TXNDC16: variants seen among roughly 807,000 people sequenced by gnomAD.
The protein encoded by TXNDC16 is thioredoxin domain-containing protein 16.
In TXNDC16, 74 loss-of-function variants were observed where a neutral mutation model predicts 85.6. That is an observed-to-expected ratio of 0.86 (90% CI 0.72 to 1.05). The LOEUF (loss-of-function observed/expected upper bound fraction) is 1.05, where lower values mean the gene tolerates loss of function less well. Among genes scored for constraint, TXNDC16 ranks in the 50% least tolerant of loss-of-function variants. The pLI is 0.00. For synonymous variants in TXNDC16, 335 were observed against 326.5 expected, an observed-to-expected ratio of 1.03 and a Z score of -0.28; for missense variants, 959 against 947.0, an observed-to-expected ratio of 1.01 and a Z score of -0.17.
chr14:52,510,084 G>C (rs1282796181), intron 9 of TXNDC16, among the ~76,000 whole-genome samples: 1 of 151,658 alleles, frequency 6.6e-6, no homozygotes. Context: ...TTTAAGAAGA[G>C]GGAATTATGG....
rs759294543 is a variant in TXNDC16 at position 52,488,440 on chromosome 14, A to G, written c.1031T>C (p.Ile344Thr). 7.4e-6 allele frequency: 12 copies of G among 1,611,814 alleles called. No individual in the cohort carries two copies. The highest frequency in any genetic ancestry group is 8.5e-6 in the Non-Finnish European group (10 of 1,178,036). ...FLVLHDVDLI[I>T]SHVENNMHIE... ...GTGCATATTATTTTCCACATGAGATATTATTAAATCAACATCATGTAATAC... is the reference window on the plus strand; with the variant it reads ...GTGCATATTATTTTCCACATGAGATGTTATTAAATCAACATCATGTAATAC... The change falls in exon 12 of 21, where the codon ATA becomes ACA. Residue 344 changes from isoleucine (I) to threonine (T), a missense_variant. By Grantham distance (89) the Ile-to-Thr change is moderately conservative. Transcript: ENST00000281741.
intron 6 of TXNDC16, among the ~76,000 whole-genome samples, chr14:52,535,732 A>C (rs145459006): frequency 2.0e-3 from 302 of 152,252 alleles, no homozygotes; most frequent in Non-Finnish European, 3.9e-3. Context: ...CAGAAAACTT[A>C]AACTTTCTCT....
intron 16 of TXNDC16, 74 bp from the exon 17 acceptor site, chr14:52,457,248 T>C: frequency 2.6e-6 from 2 of 764,980 alleles, no homozygotes; most frequent in South Asian, 4.0e-5. Flanking sequence ...TGAAGAGATT[T>C]ATAGGTGGTA....
rs764848557 is a variant in TXNDC16, at chr14:52,490,927, G to A, written c.835C>T (p.Gln279Ter). ...LGLPLVFIVS[Q>*]QATYEADRRT... ...CTATCAGCTTCATAAGTAGCCTGTT[G>A]GCTAACAATAAAAACCAGTGGTAAG... The change falls in exon 10 of 21, where the codon CAA (glutamine) becomes TAA (stop). Residue 279 changes from glutamine (Q) to a stop codon, truncating the protein, a stop_gained. Coordinates refer to ENST00000281741, the MANE Select transcript of TXNDC16 (RefSeq NM_020784.3). LOFTEE classifies it high-confidence loss of function. The A allele has an allele frequency of 2.5e-6, 4 of 1,612,614 alleles. No individual in the cohort carries two copies. In the South Asian group the frequency reaches 3.3e-5, roughly 13 times the overall value.
At chr14:52,546,351 G>T (rs2037942109) in intron 1 of TXNDC16, among the ~76,000 whole-genome samples, 1 of 152,174 alleles carries the variant, frequency 6.6e-6, no homozygotes. Flanking sequence ...CAAGTGATGA[G>T]TACCTTCAGA....
At chr14:52,465,923 T>A (rs955263697) in intron 16 of TXNDC16, among the ~76,000 whole-genome samples, 19 of 152,104 alleles carry the variant, frequency 1.2e-4, no homozygotes, top group African/African-American at 4.6e-4. Flanking sequence ...GATGAATTAA[T>A]AAGTAGAAAG....
At chr14:52,457,380 T>C (rs1209215721) in intron 16 of TXNDC16, among the ~76,000 whole-genome samples, 4 of 152,210 alleles carry the variant, frequency 2.6e-5, no homozygotes, top group Admixed American at 6.5e-5. Flanking sequence ...TGTCAATTGA[T>C]ATAATGCAAC....
chr14:52,529,592 TTA>T lies in TXNDC16; in HGVS notation c.392+7125_392+7126del, dbSNP rs1284161777. On this transcript the variant is annotated intron_variant, in intron 6 of 20. Transcript: ENST00000281741. The stretch of plus-strand genomic sequence containing the variant: ...TTATATATAATATATATAATGCCTA[TTA>T]TATATATTATATATAATGCCTATTA... Among the ~76,000 whole-genome samples, 9 of 100,460 alleles carry T rather than the reference TTA, an allele frequency of 9.0e-5. 1 individual carries two copies. The highest frequency in any genetic ancestry group is 4.3e-4 in the African/African-American group (9 of 20,982). 65.9% of individuals were successfully genotyped at this position (100,460 alleles called of 152,430 possible).
intron 9 of TXNDC16, among the ~76,000 whole-genome samples, chr14:52,510,227 A>G (rs1031040208): frequency 6.6e-6 from 1 of 152,214 alleles, no homozygotes; most frequent in African/African-American, 2.4e-5. Context: ...CTCATCTTTC[A>G]CAGGTAGGAA....
At chr14:52,440,255 C>A (rs1489212098) in intron 19 of TXNDC16, among the ~76,000 whole-genome samples, 1 of 152,064 alleles carries the variant, frequency 6.6e-6, no homozygotes, top group Non-Finnish European at 1.5e-5. Flanking sequence ...GAAAAAGGAA[C>A]TGAAGGAAAA....
At chr14:52,514,545 G>A (rs947586964) in intron 8 of TXNDC16, among the ~76,000 whole-genome samples, 1 of 152,112 alleles carries the variant, frequency 6.6e-6, no homozygotes, top group African/African-American at 2.4e-5. Flanking sequence ...AAGAACTTCT[G>A]AAGCCTCATT....
At chr14:52,494,211 T>A (rs1292438275) in intron 9 of TXNDC16, among the ~76,000 whole-genome samples, 1 of 152,056 alleles carries the variant, frequency 6.6e-6, no homozygotes, top group African/African-American at 2.4e-5. Context: ...CCCCCAAGAT[T>A]CCTACCCCCT....
intron 12 of TXNDC16, among the ~76,000 whole-genome samples, chr14:52,485,579 A>C (rs547128537): frequency 1.1e-4 from 17 of 152,282 alleles, no homozygotes; most frequent in African/African-American, 4.1e-4. Context: ...TATGTACCCT[A>C]TACAAGTGTA....
intron 9 of TXNDC16, among the ~76,000 whole-genome samples, chr14:52,501,699 T>C (rs939876890): frequency 1.3e-5 from 2 of 152,254 alleles, no homozygotes; most frequent in African/African-American, 4.8e-5. Flanking sequence ...GGGACCTCTC[T>C]ATCTCATTCC....
chr14:52,484,212 T>C (rs143222317), intron 12 of TXNDC16, among the ~76,000 whole-genome samples: 309 of 148,744 alleles, frequency 2.1e-3, no homozygotes, highest in African/African-American at 7.2e-3. Context: ...GGGGGGGTGA[T>C]TGGAGCAGAA....
chr14:52,549,482 A>C (rs79166575), intron 1 of TXNDC16, among the ~76,000 whole-genome samples: 13,119 of 152,226 alleles, frequency 0.086, 624 homozygotes, highest in East Asian at 0.14. Flanking sequence ...CTTCAAGAGA[A>C]AACGCTAGTC....
intron 6 of TXNDC16, among the ~76,000 whole-genome samples, chr14:52,523,204 A>T (rs748587356): frequency 1.3e-5 from 2 of 152,214 alleles, no homozygotes; most frequent in Admixed American, 1.3e-4. Flanking sequence ...TTGATGGGGT[A>T]AAACAGCCTG....
intron 13 of TXNDC16, 22 bp downstream of exon 13, chr14:52,482,800 T>C: frequency 1.3e-6 from 2 of 1,566,658 alleles, no homozygotes; most frequent in Non-Finnish European, 1.7e-6. Context: ...TATGTAACAG[T>C]CCTCTAAAGG....
chr14:52,490,891 C>G lies in TXNDC16; in HGVS notation c.871G>C (p.Glu291Gln). ...ATYEADRRTA[E>Q]WVAWRLLGKA... ...CCCAGAAGACGCCAAGCAACCCATTCTGCAGTTCTTCTATCAGCTTCATAA... is the reference window on the plus strand; with the variant it reads ...CCCAGAAGACGCCAAGCAACCCATTGTGCAGTTCTTCTATCAGCTTCATAA... The change falls in exon 10 of 21, where the codon GAA becomes CAA. Residue 291 changes from glutamate to glutamine, a missense_variant. Coordinates refer to ENST00000281741, the MANE Select transcript of TXNDC16 (RefSeq NM_020784.3). 2 of 1,613,160 alleles carry G rather than the reference C, an allele frequency of 1.2e-6. No homozygotes were observed. The highest frequency in any genetic ancestry group is 1.7e-6 in the Non-Finnish European group (2 of 1,179,804).
Sources: allele counts gnomAD v4.1 joint callset (sites outside exome capture counted in the v4.1 genomes callset), GRCh38; gene constraint gnomAD v4.1.1; transcripts MANE v1.5; gene names NCBI Gene and HGNC (gene_info 2026-07-23, HGNC 2026-07-21).